Variants in SH3BP2 observed in about 807,000 individuals in gnomAD.
SH3BP2 encodes SH3 domain-binding protein 2.
Under a neutral mutation model 56.2 loss-of-function variants are expected in SH3BP2, and 38 were observed. The observed-to-expected ratio is 0.68, with a 90% CI of 0.52 to 0.89. SH3BP2 has a LOEUF of 0.89. Ranked by LOEUF, SH3BP2 falls within the 40% of genes least tolerant of loss-of-function variation. The pLI is 0.00. For missense variants in SH3BP2, 748 were observed against 762.6 expected (o/e 0.98, Z 0.23); for synonymous variants, 346 against 316.7 (o/e 1.09, Z -0.98).
rs1263694843 is a variant in SH3BP2, at chr4:2,837,056, T to C, written c.*3222T>C. The stretch of plus-strand genomic sequence containing the variant: ...TTGTATTGTGAAAAGATTTTTTCTT[T>C]TTTTTTTGGGACACAGTCTCACTCT... On this transcript the variant is annotated 3_prime_UTR_variant, in exon 13 of 13. Coordinates refer to ENST00000503393, the MANE Select transcript of SH3BP2 (RefSeq NM_001122681.2). 2 of 152,206 alleles carry C rather than the reference T, an allele frequency of 1.3e-5. No individual in the cohort carries two copies. Among genetic ancestry groups the C allele is most frequent in the African/African-American group, 4.8e-5 (2 of 41,442 alleles). The allele number at this position is 152,206 out of a possible 1,614,324, so 9.4% of individuals were successfully genotyped here.
chr4:2,805,581 TG>T (rs1180139446), intron 1 of SH3BP2, among the ~76,000 whole-genome samples: 1 of 152,064 alleles, frequency 6.6e-6, no homozygotes, highest in Non-Finnish European at 1.5e-5. Context: ...ACCAAGGACA[TG>T]GGGGACGGAC....
chr4:2,825,874 C>A (rs776813747), intron 5 of SH3BP2, among the ~76,000 whole-genome samples: 2 of 152,360 alleles, frequency 1.3e-5, no homozygotes, highest in East Asian at 3.9e-4. Context: ...CAGCCTCCCC[C>A]GTGAGCTGGC....
At chr4:2,794,562 TGC>T in intron 1 of SH3BP2, among the ~76,000 whole-genome samples, 1 of 152,276 alleles carries the variant, frequency 6.6e-6, no homozygotes, top group East Asian at 1.9e-4. Context: ...CTCTGTGCCC[TGC>T]GTTAGGCACA....
Position 2,797,542 on chromosome 4 carries a change from C to T in SH3BP2, c.-5+4404C>T, listed in dbSNP as rs1723104419. 2.0e-5 allele frequency among the ~76,000 whole-genome samples: 3 copies of T among 152,324 alleles called. No homozygotes were observed. The South Asian group carries it at 6.2e-4, about 32-fold the overall frequency. Reference sequence around the variant, plus strand: ...GCCTGGCCCACCTTGCCACTCTCTCCCTTAGAAGCAATTTCAGCTGAAGAC... The same window carrying T: ...GCCTGGCCCACCTTGCCACTCTCTCTCTTAGAAGCAATTTCAGCTGAAGAC... On this transcript the variant is annotated intron_variant, in intron 1 of 12. Transcript: ENST00000503393.
At position 2,838,343 on chromosome 4, in the gene SH3BP2, C is replaced by T. The variant is rs1012369245; in HGVS notation, c.*4509C>T. 1.4e-4 allele frequency: 22 copies of T among 152,262 alleles called. No homozygotes were observed. Among genetic ancestry groups the T allele is most frequent in the African/African-American group, 5.3e-4 (22 of 41,470 alleles). The allele number at this position is 152,262 out of a possible 1,614,324, so 9.4% of individuals were successfully genotyped here. ...AGTCTTCAGCACCCAATTATGCAGG[C>T]ATTGCAGTATTTTCCTGTTTCTGTG... On this transcript the variant is annotated 3_prime_UTR_variant, in exon 13 of 13. Transcript: ENST00000503393.
At chr4:2,827,396 A>G in intron 6 of SH3BP2, 78 bp downstream of exon 6, 1 of 1,397,088 alleles carries the variant, frequency 7.2e-7, no homozygotes, top group Non-Finnish European at 1.0e-6. Context: ...GAGGAGAGGG[A>G]GGTGTGTTCG....
chr4:2,833,288 C>G, intron 12 of SH3BP2: 2 of 601,676 alleles, frequency 3.3e-6, no homozygotes, highest in Non-Finnish European at 3.0e-6. Flanking sequence ...AGCCATAGAC[C>G]CTGGGTTGCT....
rs1261392744 is a variant in SH3BP2, at chr4:2,840,027, C to A, written c.*6193C>A. ...ATTACTTGAGCTCAGGAGTTTGAGA[C>A]CAACCTGGACAACATGGCGAAACAC... On this transcript the variant is annotated 3_prime_UTR_variant, in exon 13 of 13. Transcript: ENST00000503393. 6.6e-6 allele frequency: 1 copy of A among 151,792 alleles called. No homozygotes were observed. The highest frequency in any genetic ancestry group is 1.5e-5 in the Non-Finnish European group (1 of 67,976). 9.4% of individuals were successfully genotyped at this position (151,792 alleles called of 1,614,324 possible).
Position 2,827,318 on chromosome 4 carries a change from G to A in SH3BP2, c.517G>A (p.Asp173Asn). Residue 173 changes from aspartate to asparagine, a missense_variant and splice_region_variant, in exon 6 of 13, where the codon GAC (aspartate) becomes AAC (asparagine). By Grantham distance (23) the Asp-to-Asn change is conservative (BLOSUM62 1). Transcript: ENST00000503393. ...TTCCCCGTACCCCACGGACAATGAAGGTGAGGTCTTTCTCCGCATCCACTG... is the reference window on the plus strand; with the variant it reads ...TTCCCCGTACCCCACGGACAATGAAAGTGAGGTCTTTCTCCGCATCCACTG... ...SLSPYPTDNE[D>N]YEHDDEDDSY... The A allele has an allele frequency of 1.9e-6, 3 of 1,613,612 alleles. No individual in the cohort carries two copies. The highest frequency in any genetic ancestry group is 1.3e-5 in the African/African-American group (1 of 75,042).
Position 2,804,627 on chromosome 4 carries a change from C to T in SH3BP2, c.-5+11489C>T, listed in dbSNP as rs143966253. 4.6e-5 allele frequency among the ~76,000 whole-genome samples: 7 copies of T among 152,344 alleles called. 1 individual carries two copies. The highest frequency in any genetic ancestry group is 3.3e-4 in the Admixed American group (5 of 15,308). On this transcript the variant is annotated intron_variant, in intron 1 of 12. Transcript: ENST00000503393. ...ACCCTGTGTCCCCTGGCCTCCTACC[C>T]AGAGCCCTGCCCCCTCCACAGAGGC...
At chr4:2,817,018 G>A (rs1415311514) in intron 1 of SH3BP2, among the ~76,000 whole-genome samples, 5 of 152,234 alleles carry the variant, frequency 3.3e-5, no homozygotes, top group Non-Finnish European at 2.9e-5. Flanking sequence ...ACTCTTGATG[G>A]CTGGGTTAGT....
At chr4:2,801,515 C>T (rs1431576532) in intron 1 of SH3BP2, among the ~76,000 whole-genome samples, 6 of 152,202 alleles carry the variant, frequency 3.9e-5, no homozygotes, top group African/African-American at 1.2e-4. Flanking sequence ...TTCCCCTGTC[C>T]GGCCAGAGAC....
At chr4:2,814,165 C>T (rs761665934) in intron 1 of SH3BP2, among the ~76,000 whole-genome samples, 2 of 152,358 alleles carry the variant, frequency 1.3e-5, no homozygotes, top group African/African-American at 2.4e-5. Flanking sequence ...CTCATGTGCA[C>T]GTCCTGTGTG....
chr4:2,818,485 AGCCCCGGGCGCTGCTGGTCGCCC>A, intron 1 of SH3BP2: 1 of 679,416 alleles, frequency 1.5e-6, no homozygotes, highest in Non-Finnish European at 1.9e-6. Context: ...CAGGGCCGCG[AGCCCCGGGCGCTGCTGGTCGCCC>A]ACGCGCTTCT....
intron 1 of SH3BP2, among the ~76,000 whole-genome samples, chr4:2,796,183 C>G (rs1723055911): frequency 1.3e-5 from 2 of 152,222 alleles, no homozygotes; most frequent in African/African-American, 4.8e-5. Context: ...GTCCCTGGCT[C>G]TGGACCACGC....
rs192724979 is a variant in SH3BP2, at chr4:2,831,253, C to T, written c.1242-318C>T. 9.8e-3 allele frequency among the ~76,000 whole-genome samples: 1,491 copies of T among 152,282 alleles called. 40 individuals are homozygous for T. The highest frequency in any genetic ancestry group is 7.0e-3 in the Non-Finnish European group (475 of 68,014). On this transcript the variant is annotated intron_variant, in intron 8 of 12. Coordinates refer to ENST00000503393, the MANE Select transcript of SH3BP2 (RefSeq NM_001122681.2). The surrounding 1 kb of genome is among the most constrained non-coding windows in gnomAD (Gnocchi z 4.1). ...GAGTGGGCTGTGATTTGGCCATGAC[C>T]GGACCTCCCCTCCCCACGAGCATCC...
At chr4:2,796,210 C>T (rs1232958176) in intron 1 of SH3BP2, among the ~76,000 whole-genome samples, 2 of 152,182 alleles carry the variant, frequency 1.3e-5, no homozygotes, top group African/African-American at 4.8e-5. Flanking sequence ...ATTTGGGTTC[C>T]GTGCCGGGCC....
chr4:2,822,933 A>G lies in SH3BP2; in HGVS notation c.137-2A>G. On this transcript the variant is annotated splice_acceptor_variant, in intron 2 of 12. Coordinates refer to ENST00000503393, the MANE Select transcript of SH3BP2 (RefSeq NM_001122681.2). LOFTEE classifies it high-confidence loss of function. ...CCTTCCTGCCCTTGCCACCTCCCAC[A>G]GGGCCCCTGCGCTTTGTCATCATCC... is the stretch of plus-strand genomic sequence containing the variant. 13 of 1,613,060 alleles carry G rather than the reference A, an allele frequency of 8.1e-6. No individual in the cohort carries two copies. The highest frequency in any genetic ancestry group is 1.1e-5 in the Non-Finnish European group (13 of 1,179,304).
intron 1 of SH3BP2, among the ~76,000 whole-genome samples, chr4:2,803,789 T>G (rs1723420114): frequency 6.6e-6 from 1 of 152,116 alleles, no homozygotes; most frequent in Non-Finnish European, 1.5e-5. Flanking sequence ...CTTGGCTAAC[T>G]CATGTGGAAG....
Sources: allele counts gnomAD v4.1 joint callset (sites outside exome capture counted in the v4.1 genomes callset), GRCh38; gene constraint gnomAD v4.1.1; non-coding constraint Gnocchi (gnomAD v3.1); transcripts MANE v1.5; gene names NCBI Gene and HGNC (gene_info 2026-07-23, HGNC 2026-07-21).